The following KCMF1 variants were observed in gnomAD, a reference collection of about 807,000 sequenced individuals.
The protein encoded by KCMF1 is E3 ubiquitin-protein ligase KCMF1.
A neutral mutation model predicts 41.1 loss-of-function variants in KCMF1; 3 were observed. That is an observed-to-expected ratio of 0.07 (90% CI 0.03 to 0.19). The LOEUF is 0.19. Ranked by LOEUF, KCMF1 falls within the 10% of genes least tolerant of loss-of-function variation. The probability of loss-of-function intolerance (pLI) is 1.00; values close to 1 mark genes in which losing one functional copy is unlikely to be tolerated. For missense variants in KCMF1, 286 were observed against 488.9 expected (o/e 0.58, Z 3.91); for synonymous variants, 142 against 164.5 (o/e 0.86, Z 1.04).
intron 1 of KCMF1, among the ~76,000 whole-genome samples, chr2:84,996,753 T>C (rs1436385291): frequency 6.6e-6 from 1 of 152,164 alleles, no homozygotes; most frequent in Non-Finnish European, 1.5e-5. Context: ...TAAAAGTCTC[T>C]TTAAAAATTA....
intron 1 of KCMF1, among the ~76,000 whole-genome samples, chr2:84,998,980 A>G (rs985922496): frequency 1.6e-4 from 22 of 137,846 alleles, no homozygotes; most frequent in Non-Finnish European, 3.0e-4. Context: ...CTGTCTGTCT[A>G]TCTACCTACC....
intron 1 of KCMF1, among the ~76,000 whole-genome samples, chr2:84,973,936 T>G (rs1286095548): frequency 6.7e-6 from 1 of 149,052 alleles, no homozygotes; most frequent in Non-Finnish European, 1.5e-5. Context: ...CAAGCAGTTC[T>G]CCTGCCTCAG....
intron 4 of KCMF1, among the ~76,000 whole-genome samples, chr2:85,045,282 T>C (rs1675636761): frequency 1.3e-5 from 2 of 151,790 alleles, no homozygotes; most frequent in Admixed American, 1.3e-4. Flanking sequence ...TATAAAATTA[T>C]CAAATATATA....
rs1278178937 is a variant in KCMF1 at position 85,055,288 on chromosome 2, T to C, written c.*1879T>C. 2 of 152,262 alleles carry C rather than the reference T, an allele frequency of 1.3e-5. No homozygotes were observed. The highest frequency in any genetic ancestry group is 2.9e-5 in the Non-Finnish European group (2 of 68,042). The allele number at this position is 152,262 out of a possible 1,614,324, so 9.4% of individuals were successfully genotyped here. On this transcript the variant is annotated 3_prime_UTR_variant, in exon 7 of 7. Coordinates refer to ENST00000409785, the MANE Select transcript of KCMF1 (RefSeq NM_020122.5). The stretch of plus-strand genomic sequence containing the variant: ...GGTGTTAGTGGATTAACCTAACCAT[T>C]ACTCTGAGATTTTATATCTCTAATC...
chr2:85,035,265 C>T (rs193214343), intron 3 of KCMF1, 110 bp downstream of exon 3: 7 of 928,560 alleles, frequency 7.5e-6, no homozygotes, highest in Non-Finnish European at 1.1e-5. Flanking sequence ...GTAATGATAC[C>T]GTTTGCATAG....
At position 84,976,510 on chromosome 2, in the gene KCMF1, C is replaced by A. The variant is rs540987552; in HGVS notation, c.16+5043C>A. On this transcript the variant is annotated intron_variant, in intron 1 of 6. Coordinates refer to ENST00000409785, the MANE Select transcript of KCMF1 (RefSeq NM_020122.5). ...TATGAGCCACCACGCCCAGCACCTT[C>A]TTAACTCTTTCTGGGCTACTTTTGA... 2.2e-3 allele frequency among the ~76,000 whole-genome samples: 332 copies of A among 151,940 alleles called. 1 individual carries two copies. The highest frequency in any genetic ancestry group is 3.8e-3 in the Non-Finnish European group (256 of 67,958).
In KCMF1 at chr2:85,056,772, A is replaced by G. The variant is rs894945173; in HGVS notation, c.*3363A>G. ...GGAGGAATGGGTGCTAAAAGCTCTT[A>G]ACAGTTTTGTAGAGAAGCCCTGCAG... is the stretch of plus-strand genomic sequence containing the variant. On this transcript the variant is annotated 3_prime_UTR_variant, in exon 7 of 7. Transcript: ENST00000409785. The G allele has an allele frequency of 1.3e-5, 2 of 150,796 alleles. No individual in the cohort carries two copies. Among genetic ancestry groups the G allele is most frequent in the African/African-American group, 4.9e-5 (2 of 41,200 alleles). The allele number at this position is 150,796 out of a possible 1,614,324, so 9.3% of individuals were successfully genotyped here. A position where few individuals can be genotyped will look rare whatever the true frequency, so the allele number is the denominator to read the frequency against.
At position 85,054,078 on chromosome 2, in the gene KCMF1, G is replaced by C. The variant is rs1229631549; in HGVS notation, c.*669G>C. On this transcript the variant is annotated 3_prime_UTR_variant, in exon 7 of 7. Transcript: ENST00000409785. ...ATCTTGCCTGTGTGGAGCTCAGCCT[G>C]TCTCTTTAACTCATCTGTAGAAGAC... is the stretch of plus-strand genomic sequence containing the variant. 1.3e-5 allele frequency: 2 copies of C among 152,134 alleles called. No individual in the cohort carries two copies. Among genetic ancestry groups the C allele is most frequent in the African/African-American group, 4.8e-5 (2 of 41,382 alleles). 9.4% of individuals were successfully genotyped at this position (152,134 alleles called of 1,614,324 possible).
At chr2:85,047,773 GCACA>G (rs1375135226) in intron 5 of KCMF1, among the ~76,000 whole-genome samples, 1 of 152,044 alleles carries the variant, frequency 6.6e-6, no homozygotes, top group African/African-American at 2.4e-5. Flanking sequence ...TGGGAAGTGT[GCACA>G]CATTTAAAGC....
At chr2:84,996,980 G>A (rs1674192709) in intron 1 of KCMF1, among the ~76,000 whole-genome samples, 1 of 152,122 alleles carries the variant, frequency 6.6e-6, no homozygotes, top group Non-Finnish European at 1.5e-5. Context: ...CTACAAACCT[G>A]TACAGTATGT....
intron 1 of KCMF1, among the ~76,000 whole-genome samples, chr2:85,024,629 A>T (rs988779014): frequency 6.6e-6 from 1 of 151,956 alleles, no homozygotes; most frequent in Non-Finnish European, 1.5e-5. Context: ...TGAGAAAGAG[A>T]AAGATTTAAG....
At chr2:84,993,259 T>G (rs1391186839) in intron 1 of KCMF1, among the ~76,000 whole-genome samples, 10 of 151,982 alleles carry the variant, frequency 6.6e-5, no homozygotes, top group Admixed American at 6.6e-4. Context: ...TATCTTTGCT[T>G]CATTAGGGAG....
rs138213483 is a variant in KCMF1, at chr2:85,001,937, A to G, written c.17-25952A>G. Reference sequence around the variant, plus strand: ...CCTGCATAATATGTTGCTGTACTCAATACTGTAGGCAGTTATAACACAATG... The same window carrying G: ...CCTGCATAATATGTTGCTGTACTCAGTACTGTAGGCAGTTATAACACAATG... On this transcript the variant is annotated intron_variant, in intron 1 of 6. Transcript: ENST00000409785. Among the ~76,000 whole-genome samples the G allele has an allele frequency of 5.6e-3, 858 of 152,350 alleles. 7 individuals carry two copies. The highest frequency in any genetic ancestry group is 0.02 in the African/African-American group (811 of 41,580).
chr2:85,029,844 G>GA (rs761606281), intron 2 of KCMF1, among the ~76,000 whole-genome samples: 45 of 151,800 alleles, frequency 3.0e-4, no homozygotes, highest in Non-Finnish European at 5.7e-4. Context: ...ACCATGCCCA[G>GA]AAAATTTTTT....
chr2:85,057,202 C>T lies in KCMF1; in HGVS notation c.*3793C>T, dbSNP rs1675955522. ...CTCAAAAAAAAAAAAAATTAAAACA[C>T]TAGGTACGAAATTATCCCAGAATTA... On this transcript the variant is annotated 3_prime_UTR_variant, in exon 7 of 7. Coordinates refer to ENST00000409785, the MANE Select transcript of KCMF1 (RefSeq NM_020122.5). The T allele has an allele frequency of 6.6e-6, 1 of 151,804 alleles. No individual in the cohort carries two copies. Among genetic ancestry groups the T allele is most frequent in the Admixed American group, 6.6e-5 (1 of 15,228 alleles). 9.4% of individuals were successfully genotyped at this position (151,804 alleles called of 1,614,324 possible). A position where few individuals can be genotyped will look rare whatever the true frequency, so the allele number is the denominator to read the frequency against.
chr2:85,023,491 T>G (rs975215590), intron 1 of KCMF1, among the ~76,000 whole-genome samples: 1 of 151,800 alleles, frequency 6.6e-6, no homozygotes, highest in African/African-American at 2.4e-5. Flanking sequence ...GCTAATTTTT[T>G]TTTGTATTTT....
chr2:85,018,795 A>ATTTTTTT lies in KCMF1; in HGVS notation c.17-9073_17-9067dup, dbSNP rs34627507. ...TGTTATAATACTTTTCAGAACTTTGATTTTTTTTTTTTTTTTTTTTTTTTT... is the reference window on the plus strand; with the variant it reads ...TGTTATAATACTTTTCAGAACTTTGATTTTTTTTTTTTTTTTTTTTTTTTTTTTTTTT... On this transcript the variant is annotated intron_variant, in intron 1 of 6. Transcript: ENST00000409785. Among the ~76,000 whole-genome samples, 20 of 73,694 alleles carry ATTTTTTT rather than the reference A, an allele frequency of 2.7e-4. 1 individual carries two copies. In the East Asian group the frequency reaches 2.8e-3, roughly 10 times the overall value. 48.3% of individuals were successfully genotyped at this position (73,694 alleles called of 152,430 possible). A position where few individuals can be genotyped will look rare whatever the true frequency, so the allele number is the denominator to read the frequency against.
intron 6 of KCMF1, 102 bp from the exon 7 acceptor site, chr2:85,053,046 T>C: frequency 1.0e-6 from 1 of 1,004,382 alleles, no homozygotes; most frequent in Non-Finnish European, 1.4e-6. Flanking sequence ...TTCTGAATTT[T>C]GCCACCTGTA....
At chr2:84,981,469 G>T in intron 1 of KCMF1, among the ~76,000 whole-genome samples, 1 of 152,164 alleles carries the variant, frequency 6.6e-6, no homozygotes, top group Non-Finnish European at 1.5e-5. Context: ...GATTACAGGC[G>T]TGAGCCACCG....
Sources: allele counts gnomAD v4.1 joint callset (sites outside exome capture counted in the v4.1 genomes callset), GRCh38; gene constraint gnomAD v4.1.1; transcripts MANE v1.5; gene names NCBI Gene and HGNC (gene_info 2026-07-23, HGNC 2026-07-21).